The following WSCD2 variants were observed in gnomAD, a reference collection of about 807,000 sequenced individuals.
WSCD2 encodes WSC domain sialate O sulfotransferase 2, also known as sialate:O-sulfotransferase 2.
WSCD2 carries 28 observed loss-of-function variants against 55.7 expected under a neutral mutation model. The observed-to-expected ratio is 0.50, with a 90% CI of 0.37 to 0.69. WSCD2 has a LOEUF of 0.69. Ranked by LOEUF, WSCD2 falls within the 30% of genes least tolerant of loss-of-function variation. WSCD2 has a pLI of 0.00. For synonymous variants in WSCD2, 301 were observed against 301.9 expected, an observed-to-expected ratio of 1.00 and a Z score of 0.03; for missense variants, 616 against 762.1, an observed-to-expected ratio of 0.81 and a Z score of 2.26.
Position 108,206,405 on chromosome 12 carries a change from T to C in WSCD2, c.497+2T>C, listed in dbSNP as rs1885373397. The C allele has an allele frequency of 6.2e-7, 1 of 1,613,808 alleles. No homozygotes were observed. Among genetic ancestry groups the C allele is most frequent in the Admixed American group, 1.7e-5 (1 of 60,000 alleles). On this transcript the variant is annotated splice_donor_variant, in intron 3 of 8. Transcript: ENST00000547525. LOFTEE classifies it high-confidence loss of function. ...TTGCCAGGACAACTGTGCTGAACGG[T>C]AGGGTCCCAGCATCCCAGACTTGTC... is the stretch of plus-strand genomic sequence containing the variant.
rs1890330571 is a variant in WSCD2 at position 108,249,795 on chromosome 12, G to GA, written c.*1452_*1453insA. The GA allele has an allele frequency of 6.6e-6, 1 of 152,630 alleles. No homozygotes were observed. Among genetic ancestry groups the GA allele is most frequent in the Non-Finnish European group, 1.5e-5 (1 of 68,028 alleles). 9.5% of individuals were successfully genotyped at this position (152,630 alleles called of 1,614,324 possible). On this transcript the variant is annotated 3_prime_UTR_variant, in exon 9 of 9. Coordinates refer to ENST00000547525, the MANE Select transcript of WSCD2 (RefSeq NM_014653.4). Reference sequence around the variant, plus strand: ...ATTCCGCCCCTTGGAACCTGGCCATGCAAAGCAAGGGCACAGGGATTAGAC... The same window carrying GA: ...ATTCCGCCCCTTGGAACCTGGCCATGACAAAGCAAGGGCACAGGGATTAGAC...
chr12:108,234,290 T>C (rs4964665), intron 7 of WSCD2, among the ~76,000 whole-genome samples: 67,571 of 152,052 alleles, frequency 0.44, 16,259 homozygotes, highest in East Asian at 0.61. Flanking sequence ...TTGGTGCTGA[T>C]AGAGAGTCAT....
At chr12:108,138,369 A>T (rs1380373586) in intron 1 of WSCD2, among the ~76,000 whole-genome samples, 1 of 152,128 alleles carries the variant, frequency 6.6e-6, no homozygotes, top group Non-Finnish European at 1.5e-5. Flanking sequence ...GTGCCTTAGG[A>T]GTGAGGGCTA....
At chr12:108,235,837 T>A (rs1889211989) in intron 7 of WSCD2, among the ~76,000 whole-genome samples, 1 of 152,128 alleles carries the variant, frequency 6.6e-6, no homozygotes, top group Non-Finnish European at 1.5e-5. Flanking sequence ...GCCCTTGCAG[T>A]TAACATTGAA....
At chr12:108,148,302 A>G (rs570736663) in intron 1 of WSCD2, among the ~76,000 whole-genome samples, 31 of 152,188 alleles carry the variant, frequency 2.0e-4, no homozygotes, top group Non-Finnish European at 4.4e-4. Flanking sequence ...CCATTTGAAA[A>G]CCGCTGCACA....
At chr12:108,239,660 A>G (rs1889554506) in intron 7 of WSCD2, among the ~76,000 whole-genome samples, 1 of 152,158 alleles carries the variant, frequency 6.6e-6, no homozygotes, top group African/African-American at 2.4e-5. Flanking sequence ...ACAAAGAGCA[A>G]TCACCCAGTA....
intron 1 of WSCD2, among the ~76,000 whole-genome samples, chr12:108,149,097 G>A (rs1394687026): frequency 3.9e-5 from 6 of 152,294 alleles, no homozygotes; most frequent in African/African-American, 1.4e-4. Flanking sequence ...CTTCACTTTA[G>A]AGTGATTTGC....
At chr12:108,236,244 T>C (rs974517860) in intron 7 of WSCD2, among the ~76,000 whole-genome samples, 54 of 152,336 alleles carry the variant, frequency 3.5e-4, no homozygotes, top group African/African-American at 1.2e-3. Context: ...TCCTGCTCTG[T>C]GAGAAGCATG....
chr12:108,150,697 T>C (rs1337377711), intron 1 of WSCD2, among the ~76,000 whole-genome samples: 1 of 152,000 alleles, frequency 6.6e-6, no homozygotes, highest in Non-Finnish European at 1.5e-5. Context: ...TGGGAATGGA[T>C]CCACTTTGAC....
intron 1 of WSCD2, chr12:108,167,335 G>T (rs1879770950): frequency 6.6e-6 from 1 of 152,126 alleles, no homozygotes; most frequent in African/African-American, 2.4e-5. Context: ...AACTTACTCT[G>T]CCTCTTGGAC....
At chr12:108,186,619 G>C (rs1385991217) in intron 1 of WSCD2, among the ~76,000 whole-genome samples, 3 of 152,164 alleles carry the variant, frequency 2.0e-5, no homozygotes, top group South Asian at 4.1e-4. Flanking sequence ...AGCTTTTTCA[G>C]ATTGGCTTCT....
intron 1 of WSCD2, among the ~76,000 whole-genome samples, chr12:108,184,686 G>A (rs1029116501): frequency 1.3e-5 from 2 of 152,122 alleles, no homozygotes; most frequent in Non-Finnish European, 2.9e-5. Flanking sequence ...TGAACTAGCT[G>A]GTGTCTAAGG....
intron 1 of WSCD2, chr12:108,167,314 A>C (rs2136958204): frequency 6.6e-6 from 1 of 152,342 alleles, no homozygotes. Context: ...CTGCATTTAA[A>C]TGTTCTGCAG....
At chr12:108,162,916 CT>C (rs1270270393) in intron 1 of WSCD2, among the ~76,000 whole-genome samples, 1 of 152,208 alleles carries the variant, frequency 6.6e-6, no homozygotes, top group East Asian at 1.9e-4. Context: ...GAGCCTGCAT[CT>C]TGTGCCAGCC....
chr12:108,196,455 C>T (rs1298958117), intron 2 of WSCD2: 4 of 534,890 alleles, frequency 7.5e-6, no homozygotes, highest in Non-Finnish European at 1.3e-5. Flanking sequence ...GATTTGAACT[C>T]CACATCTATC....
intron 1 of WSCD2, among the ~76,000 whole-genome samples, chr12:108,194,970 T>C (rs900449934): frequency 1.3e-5 from 2 of 152,258 alleles, no homozygotes. Flanking sequence ...TTGACAAATA[T>C]ATAGGAAGTA....
At position 108,217,799 on chromosome 12, in the gene WSCD2, C is replaced by T. The variant is rs116831641; in HGVS notation, c.683-6940C>T. Among the ~76,000 whole-genome samples, 289 of 152,296 alleles carry T rather than the reference C, an allele frequency of 1.9e-3. 2 individuals are homozygous for T. The highest frequency in any genetic ancestry group is 6.6e-3 in the African/African-American group (273 of 41,554). Reference sequence around the variant, plus strand: ...CACAGCAGTAGCTTCTAATCCATCTCGGGCCCTTTAAGTCCTCTAAAAATT... The same window carrying T: ...CACAGCAGTAGCTTCTAATCCATCTTGGGCCCTTTAAGTCCTCTAAAAATT... On this transcript the variant is annotated intron_variant, in intron 4 of 8. Coordinates refer to ENST00000547525, the MANE Select transcript of WSCD2 (RefSeq NM_014653.4).
intron 1 of WSCD2, among the ~76,000 whole-genome samples, chr12:108,147,795 T>G (rs1447197689): frequency 1.3e-5 from 2 of 150,262 alleles, no homozygotes; most frequent in Non-Finnish European, 3.0e-5. Context: ...GGGTCGAGGC[T>G]AAAGTGAGCT....
In WSCD2 at chr12:108,159,299, G is replaced by A. The variant is rs147121248; in HGVS notation, c.-552+29373G>A. On this transcript the variant is annotated intron_variant, in intron 1 of 8. Coordinates refer to ENST00000547525, the MANE Select transcript of WSCD2 (RefSeq NM_014653.4). ...GCTGGTGCTGATAGCCAATGTGCCT[G>A]TTGTGCTTTCTGTACACCATACTCA... is the stretch of plus-strand genomic sequence containing the variant. Among the ~76,000 whole-genome samples the A allele has an allele frequency of 4.1e-3, 625 of 152,314 alleles. 4 individuals carry two copies. Among genetic ancestry groups the A allele is most frequent in the Middle Eastern group, 6.8e-3 (2 of 294 alleles).
Sources: allele counts gnomAD v4.1 joint callset (sites outside exome capture counted in the v4.1 genomes callset), GRCh38; gene constraint gnomAD v4.1.1; transcripts MANE v1.5; gene names NCBI Gene and HGNC (gene_info 2026-07-23, HGNC 2026-07-21).